PLEC: variants seen among roughly 807,000 people sequenced by gnomAD.
PLEC encodes the protein plectin, also known as hemidesmosomal protein 1.
PLEC carries 216 observed loss-of-function variants against 392.8 expected under a neutral mutation model. The observed-to-expected ratio is 0.55, with a 90% CI of 0.49 to 0.62. PLEC has a LOEUF of 0.62. Among genes scored for constraint, PLEC ranks in the 20% least tolerant of loss-of-function variants. The pLI is 0.00. For synonymous variants in PLEC, 3,621 were observed against 2,980.6 expected (o/e 1.21, Z -7.00); for missense variants, 6,863 against 6,563.4 (o/e 1.05, Z -1.58).
intron 10 of PLEC, 42 bp from the exon 11 acceptor site, chr8:143,934,487 A>C: frequency 6.2e-7 from 1 of 1,608,252 alleles, no homozygotes; most frequent in Non-Finnish European, 8.5e-7. Flanking sequence ...GGCAGGGGGC[A>C]GGGGGTGGGG....
Position 143,939,548 on chromosome 8 carries a change from C to A in PLEC, c.-87G>T. The A allele has an allele frequency of 6.5e-7, 1 of 1,538,580 alleles. No individual in the cohort carries two copies. On this transcript the variant is annotated 5_prime_UTR_variant, in exon 1 of 32. Coordinates refer to ENST00000345136, the MANE Select transcript of PLEC (RefSeq NM_201384.3). ...CGTGTGGCACACAGGCAGCTGAAGG[C>A]TGGCGGCCCCACGAGACGCTCACTC...
Position 143,932,550 on chromosome 8 carries a change from C to T in PLEC, c.1827G>A (p.Lys609=), listed in dbSNP as rs1827666762. The T allele has an allele frequency of 6.2e-7, 1 of 1,612,442 alleles. No individual in the cohort carries two copies. Among genetic ancestry groups the T allele is most frequent in the Non-Finnish European group, 8.5e-7 (1 of 1,179,944 alleles). The change falls in exon 16 of 32, where the codon AAG becomes AAA. Residue 609 remains lysine, a synonymous_variant. Transcript: ENST00000345136. The stretch of plus-strand genomic sequence containing the variant: ...AGCTCTCCAGGGACCTGAGGCGGGC[C>T]TTGGAGGAGTTCTGTGGGCAGGAGG... ...LQYAKLLNSS[K]ARLRSLESLH...
rs1359700339 is a variant in PLEC, at chr8:143,915,980, C to T, written c.*197G>A. 1.3e-5 allele frequency: 6 copies of T among 463,136 alleles called. No homozygotes were observed. The highest frequency in any genetic ancestry group is 1.2e-4 in the Admixed American group (3 of 24,706). The allele number at this position is 463,136 out of a possible 1,614,324, so 28.7% of individuals were successfully genotyped here. A position where few individuals can be genotyped will look rare whatever the true frequency, so the allele number is the denominator to read the frequency against. On this transcript the variant is annotated 3_prime_UTR_variant, in exon 32 of 32. Transcript: ENST00000345136. ...AGACCCGAGGGGGTGAGGCGGCCAG[C>T]AGGGCTGGGCCAGCCCTGTCCCCCA...
chr8:143,962,955 C>G (rs1832934974), intron 1 of PLEC, among the ~76,000 whole-genome samples: 2 of 152,130 alleles, frequency 1.3e-5, no homozygotes, highest in Non-Finnish European at 2.9e-5. Context: ...GGGAGGTTCA[C>G]TGTTAGGAAA....
rs1324467598 is a variant in PLEC at position 143,916,322 on chromosome 8, C to A, written c.13499G>T (p.Gly4500Val). ...GGCGTCAAAGCTGCCGCGGCGGGAG[C>A]CGGCCCGGGAGCCGGTGCGCGAGCC... ...RTGSRTGSRA[G>V]SRRGSFDATG... is the part of the protein sequence containing the mutation. Residue 4500 changes from glycine (G) to valine (V), a missense_variant, in exon 32 of 32, where the codon GGC (glycine) becomes GTC (valine). Physicochemically the swap from Gly to Val is moderately radical, Grantham distance 109. Coordinates refer to ENST00000345136, the MANE Select transcript of PLEC (RefSeq NM_201384.3). 4 of 1,586,558 alleles carry A rather than the reference C, an allele frequency of 2.5e-6. No individual in the cohort carries two copies. Among genetic ancestry groups the A allele is most frequent in the Non-Finnish European group, 3.4e-6 (4 of 1,169,278 alleles).
rs1554691110 is a variant in PLEC, at chr8:143,922,995, G to A, written c.6934C>T (p.Leu2312Phe). The A allele has an allele frequency of 1.2e-6, 2 of 1,611,762 alleles. No homozygotes were observed. The highest frequency in any genetic ancestry group is 1.7e-6 in the Non-Finnish European group (2 of 1,179,534). ...AQQRALAEKMLKEKMQAVQEA... is the reference protein window; with the variant it reads ...AQQRALAEKMFKEKMQAVQEA... ...TGCACCGCCTGCATCTTCTCCTTGAGCATCTTCTCTGCCAAGGCCCGCTGC... is the reference window on the plus strand; with the variant it reads ...TGCACCGCCTGCATCTTCTCCTTGAACATCTTCTCTGCCAAGGCCCGCTGC... Residue 2312 changes from leucine to phenylalanine, a missense_variant, in exon 31 of 32, where the codon CTC becomes TTC. By Grantham distance (22) the Leu-to-Phe change is conservative. Coordinates refer to ENST00000345136, the MANE Select transcript of PLEC (RefSeq NM_201384.3).
At chr8:143,926,937 C>T in intron 29 of PLEC, 40 bp downstream of exon 29, 2 of 1,605,380 alleles carry the variant, frequency 1.2e-6, no homozygotes, top group Non-Finnish European at 8.5e-7. Flanking sequence ...AGCCAGAGGC[C>T]TGCCAGCCCC....
At chr8:143,966,027 C>T (rs1367611796) in intron 1 of PLEC, among the ~76,000 whole-genome samples, 2 of 152,106 alleles carry the variant, frequency 1.3e-5, no homozygotes, top group African/African-American at 4.8e-5. Flanking sequence ...TAGCCTGGCA[C>T]CAGCAGGGCC....
Position 143,920,718 on chromosome 8 carries a change from C to A in PLEC, c.9103G>T (p.Gly3035Trp). 1 of 1,603,286 alleles carries A rather than the reference C, an allele frequency of 6.2e-7. No homozygotes were observed. Among genetic ancestry groups the A allele is most frequent in the Non-Finnish European group, 8.5e-7 (1 of 1,179,904 alleles). The change falls in exon 32 of 32, where the codon GGG becomes TGG. Residue 3035 changes from glycine (G) to tryptophan (W), a missense_variant. Transcript: ENST00000345136. ...GCATTGTAGATACTCAGCTTCTGCC[C>A]CGCCTCCTCCAGCCATACACCCGCG... ...VIAGVWLEEA[G>W]QKLSIYNALK... is the part of the protein sequence containing the mutation.
At chr8:143,972,199 G>A (rs946831964) in intron 1 of PLEC, among the ~76,000 whole-genome samples, 12 of 152,334 alleles carry the variant, frequency 7.9e-5, no homozygotes, top group Middle Eastern at 3.4e-3. Flanking sequence ...CAGGTGGGCG[G>A]CTGCTTCCCT....
Position 143,930,452 on chromosome 8 carries a change from G to A in PLEC, c.2389C>T (p.Arg797Cys), listed in dbSNP as rs781813443. 35 of 1,579,656 alleles carry A rather than the reference G, an allele frequency of 2.2e-5. No homozygotes were observed. The highest frequency in any genetic ancestry group is 2.8e-5 in the Non-Finnish European group (32 of 1,163,616). ...CCCCGCATGGGGTGGGCTGGGTGGCGGGGCTTCAGCTGCACGACGGCCTTG... is the reference window on the plus strand; with the variant it reads ...CCCCGCATGGGGTGGGCTGGGTGGCAGGGCTTCAGCTGCACGACGGCCTTG... ...RAKAVVQLKP[R>C]HPAHPMRGRL... is the part of the protein sequence containing the mutation. The change falls in exon 20 of 32, where the codon CGC (arginine) becomes TGC (cysteine). Residue 797 changes from arginine to cysteine, a missense_variant. Coordinates refer to ENST00000345136, the MANE Select transcript of PLEC (RefSeq NM_201384.3).
In PLEC at chr8:143,938,507, G is replaced by A. The variant is rs1437190676; in HGVS notation, c.174+124C>T. On this transcript the variant is annotated intron_variant, in intron 2 of 31. Coordinates refer to ENST00000345136, the MANE Select transcript of PLEC (RefSeq NM_201384.3). ...GAAGAAAGAGGACAGAAAATAACAG[G>A]TTTCAGAGATGAAAGGTGAGCACAC... The A allele has an allele frequency of 5.8e-6, 9 of 1,560,916 alleles. No homozygotes were observed. In the Admixed American group the frequency reaches 6.8e-5, roughly 12 times the overall value.
rs782089260 is a variant in PLEC at position 143,929,843 on chromosome 8, G to T, written c.2740-14C>A. ...CAGGGTGCGGAACTGGGGGAAGCAC[G>T]TGGGGCTGAGTGCCGGGCGAGGCGG... On this transcript the variant is annotated splice_polypyrimidine_tract_variant and intron_variant, in intron 22 of 31. Coordinates refer to ENST00000345136, the MANE Select transcript of PLEC (RefSeq NM_201384.3). 4 of 1,599,792 alleles carry T rather than the reference G, an allele frequency of 2.5e-6. No homozygotes were observed. Among genetic ancestry groups the T allele is most frequent in the South Asian group, 2.2e-5 (2 of 90,916 alleles).
chr8:143,917,169 C>G lies in PLEC; in HGVS notation c.12652G>C (p.Ala4218Pro). 3 of 1,611,908 alleles carry G rather than the reference C, an allele frequency of 1.9e-6. No homozygotes were observed. Among genetic ancestry groups the G allele is most frequent in the Non-Finnish European group, 2.5e-6 (3 of 1,178,856 alleles). The change falls in exon 32 of 32, where the codon GCA becomes CCA. Residue 4218 changes from alanine to proline, a missense_variant. By Grantham distance (27) the Ala-to-Pro change is conservative. Coordinates refer to ENST00000345136, the MANE Select transcript of PLEC (RefSeq NM_201384.3). Reference sequence around the variant, plus strand: ...GTGCCGGCGCGGTACTGGTCCAGTGCCGAGCGGTCGATGAGGTTCTTGGCG... The same window carrying G: ...GTGCCGGCGCGGTACTGGTCCAGTGGCGAGCGGTCGATGAGGTTCTTGGCG... ...AIAKNLIDRS[A>P]LDQYRAGTLS...
intron 25 of PLEC, among the ~76,000 whole-genome samples, chr8:143,928,841 G>A (rs1027504944): frequency 2.6e-5 from 4 of 152,136 alleles, no homozygotes; most frequent in Non-Finnish European, 4.4e-5. Context: ...CTCAGCAGCC[G>A]CTGCCCAGCT....
upstream of PLEC, among the ~76,000 whole-genome samples, chr8:143,956,189 C>G (rs544111325): frequency 2.6e-5 from 4 of 152,246 alleles, no homozygotes; most frequent in African/African-American, 9.6e-5. Flanking sequence ...CTCAGGTGAT[C>G]CACCCGTCTT....
rs782021653 is a variant in PLEC at position 143,919,902 on chromosome 8, C to T, written c.9919G>A (p.Gly3307Ser). 11 of 1,613,094 alleles carry T rather than the reference C, an allele frequency of 6.8e-6. No homozygotes were observed. The highest frequency in any genetic ancestry group is 2.7e-5 in the African/African-American group (2 of 75,054). ...TLRQERLSFS[G>S]LRAPVPASEL... ...CTGGCTGGCACAGGGGCACGGAGGC[C>T]GCTGAAGGACAGCCTCTCCTGCCGC... is the stretch of plus-strand genomic sequence containing the variant. The change falls in exon 32 of 32, where the codon GGC becomes AGC. Residue 3307 changes from glycine (G) to serine (S), a missense_variant. Coordinates refer to ENST00000345136, the MANE Select transcript of PLEC (RefSeq NM_201384.3).
chr8:143,916,525 G>A lies in PLEC; in HGVS notation c.13296C>T (p.Ser4432=), dbSNP rs782293225. The A allele has an allele frequency of 2.5e-6, 4 of 1,611,824 alleles. No homozygotes were observed. Among genetic ancestry groups the A allele is most frequent in the Middle Eastern group, 1.7e-4 (1 of 6,060 alleles). The change falls in exon 32 of 32, where the codon TCC becomes TCT. Residue 4432 remains serine (S), a synonymous_variant. Coordinates refer to ENST00000345136, the MANE Select transcript of PLEC (RefSeq NM_201384.3). The stretch of plus-strand genomic sequence containing the variant: ...TGGTCTTAGGGCAGGTGAGGTACTT[G>A]GAGTAGGCGCCCACGTCACGCAGCT... ...AQKLRDVGAY[S]KYLTCPKTKL...
upstream of PLEC, chr8:143,944,010 C>A: frequency 6.7e-7 from 1 of 1,485,642 alleles, no homozygotes; most frequent in Non-Finnish European, 9.0e-7. Context: ...CCGGAGCCTG[C>A]CCTGCCCGCA....
Sources: gnomAD v4.1 joint callset for allele counts (sites outside exome capture counted in the v4.1 genomes callset) on GRCh38, gnomAD v4.1.1 for gene constraint, MANE v1.5 for transcripts, NCBI Gene and HGNC (gene_info 2026-07-23, HGNC 2026-07-21) for gene names.